Variants in ZNF362 observed in about 807,000 individuals in gnomAD.
ZNF362 encodes the protein rotund homolog.
ZNF362 carries 11 observed loss-of-function variants against 42.9 expected under a neutral mutation model. The ratio of observed to expected loss-of-function variants is 0.26; its 90% confidence interval spans 0.16 to 0.42. The LOEUF (loss-of-function observed/expected upper bound fraction) is 0.42, where lower values mean the gene tolerates loss of function less well. Among genes scored for constraint, ZNF362 ranks in the 20% least tolerant of loss-of-function variants. ZNF362 has a pLI of 1.00. For synonymous variants in ZNF362, 255 were observed against 257.3 expected, an observed-to-expected ratio of 0.99 and a Z score of 0.09; for missense variants, 362 against 576.2, an observed-to-expected ratio of 0.63 and a Z score of 3.81.
the ZNF362 span, among the ~76,000 whole-genome samples, chr1:33,161,597 C>T: frequency 2.6e-5 from 4 of 152,044 alleles, no homozygotes; most frequent in African/African-American, 7.2e-5. This position sits in a 1 kb window ranked among gnomAD's most constrained non-coding sequence, Gnocchi z 4.3. Flanking sequence ...CAAAGGGGGG[C>T]GGACGAGAGT....
chr1:33,264,344 G>T (rs1459851911), intron 1 of ZNF362, among the ~76,000 whole-genome samples: 7 of 152,172 alleles, frequency 4.6e-5, no homozygotes, highest in Non-Finnish European at 7.4e-5. Flanking sequence ...AGATTTCCAT[G>T]TGGGTCTTTG....
the ZNF362 span, among the ~76,000 whole-genome samples, chr1:33,189,652 T>TATGTATATATATAC: frequency 4.9e-5 from 1 of 20,564 alleles, no homozygotes; most frequent in Non-Finnish European, 1.6e-4. Context: ...TATATATATA[T>TATGTATATATATAC]ATATATATAT....
At chr1:33,258,017 T>C (rs1645805566) in intron 1 of ZNF362, among the ~76,000 whole-genome samples, 1 of 152,002 alleles carries the variant, frequency 6.6e-6, no homozygotes, top group Non-Finnish European at 1.5e-5. Flanking sequence ...TGATGAACTT[T>C]TGGTTGGGTG....
chr1:33,155,875 A>G, the ZNF362 span, among the ~76,000 whole-genome samples: 19 of 152,296 alleles, frequency 1.2e-4, no homozygotes, highest in African/African-American at 3.8e-4. Context: ...TGATAAGTCT[A>G]CTAGAAACCT....
the ZNF362 span, among the ~76,000 whole-genome samples, chr1:33,185,671 A>G: frequency 6.6e-6 from 1 of 152,150 alleles, no homozygotes; most frequent in African/African-American, 2.4e-5. Flanking sequence ...CTCTCTCCAC[A>G]TCTGATGTGG....
At chr1:33,289,339 G>A (rs1382876328) in intron 6 of ZNF362, among the ~76,000 whole-genome samples, 1 of 152,166 alleles carries the variant, frequency 6.6e-6, no homozygotes, top group Admixed American at 6.5e-5. Context: ...CTGGGGAAGG[G>A]GATATGGACT....
chr1:33,159,882 C>T, the ZNF362 span: 1 of 1,611,778 alleles, frequency 6.2e-7, no homozygotes, highest in Non-Finnish European at 8.5e-7. This position sits in a 1 kb window ranked among gnomAD's most constrained non-coding sequence, Gnocchi z 4.2. Context: ...GGCGTTCACG[C>T]AGCAGCCGGT....
At chr1:33,197,751 CA>C in the ZNF362 span, among the ~76,000 whole-genome samples, 1 of 152,098 alleles carries the variant, frequency 6.6e-6, no homozygotes. Flanking sequence ...GTTTGCCGGG[CA>C]GAGTCCCAGA....
intron 4 of ZNF362, among the ~76,000 whole-genome samples, chr1:33,278,262 T>C (rs1219095366): frequency 1.3e-5 from 2 of 152,178 alleles, no homozygotes; most frequent in Non-Finnish European, 2.9e-5. Flanking sequence ...TCAATGTTCA[T>C]GTGTGTTTTG....
chr1:33,282,145 G>A (rs1462718663), intron 6 of ZNF362, among the ~76,000 whole-genome samples: 2 of 152,104 alleles, frequency 1.3e-5, no homozygotes, highest in East Asian at 1.9e-4. Context: ...TGAGGGACCC[G>A]ACCTCTGTGT....
rs535283132 is a variant in ZNF362 at position 33,267,329 on chromosome 1, C to T, written c.-88-3158C>T. ...TAAGTAAAAACCCACCTCATCTCTG[C>T]CCCTGCTCCAAGCCGGAAGCATCAC... On this transcript the variant is annotated intron_variant, in intron 1 of 8. Transcript: ENST00000539719. Among the ~76,000 whole-genome samples the T allele has an allele frequency of 1.1e-3, 171 of 152,272 alleles. 1 individual carries two copies. The highest frequency in any genetic ancestry group is 3.8e-3 in the African/African-American group (158 of 41,570).
the ZNF362 span, among the ~76,000 whole-genome samples, chr1:33,212,460 G>A: frequency 6.6e-6 from 1 of 152,124 alleles, no homozygotes; most frequent in African/African-American, 2.4e-5. Context: ...GTGTGTTGCT[G>A]TAAAGAAGTA....
intron 6 of ZNF362, among the ~76,000 whole-genome samples, chr1:33,288,141 TATC>T (rs1306896164): frequency 6.6e-6 from 1 of 152,236 alleles, no homozygotes; most frequent in Non-Finnish European, 1.5e-5. Context: ...TATAGTCTAT[TATC>T]CCCATTTTAG....
chr1:33,143,565 C>G, the ZNF362 span, among the ~76,000 whole-genome samples: 3 of 152,140 alleles, frequency 2.0e-5, no homozygotes, highest in African/African-American at 7.2e-5. Flanking sequence ...TGCCAACAGC[C>G]CCTCTCCCAT....
At chr1:33,230,272 T>G in the ZNF362 span, among the ~76,000 whole-genome samples, 406 of 152,306 alleles carry the variant, frequency 2.7e-3, 2 homozygotes, top group African/African-American at 9.4e-3. Flanking sequence ...TGAAAAGTTC[T>G]CAATGAGTAT....
chr1:33,189,709 G>GTGTATATATATATATATATATATATA, the ZNF362 span, among the ~76,000 whole-genome samples: 585 of 12,036 alleles, frequency 0.049, 14 homozygotes, highest in South Asian at 0.069. Context: ...ACATATATAC[G>GTGTATATATATATATATATATATATA]TATATATATA....
the ZNF362 span, among the ~76,000 whole-genome samples, chr1:33,238,596 G>A: frequency 6.6e-5 from 10 of 151,966 alleles, no homozygotes; most frequent in Non-Finnish European, 1.2e-4. Flanking sequence ...TAGCCAGAGC[G>A]AAGGGAGTTG....
chr1:33,221,088 T>TG, the ZNF362 span, among the ~76,000 whole-genome samples: 1 of 152,008 alleles, frequency 6.6e-6, no homozygotes, highest in Non-Finnish European at 1.5e-5. Context: ...AGGGTGGTGC[T>TG]GGGGGGCGGG....
chr1:33,185,413 G>T, the ZNF362 span, among the ~76,000 whole-genome samples: 770 of 151,968 alleles, frequency 5.1e-3, 12 homozygotes, highest in African/African-American at 0.017. Flanking sequence ...GTAGAGAGGG[G>T]GTTTCACCAT....
Sources: allele counts gnomAD v4.1 joint callset (sites outside exome capture counted in the v4.1 genomes callset), GRCh38; gene constraint gnomAD v4.1.1; non-coding constraint Gnocchi (gnomAD v3.1); transcripts MANE v1.5; gene names NCBI Gene and HGNC (gene_info 2026-07-23, HGNC 2026-07-21).